Variants in SCAPER observed in about 807,000 individuals in gnomAD.
SCAPER encodes the protein S-phase cyclin A associated protein in the ER.
A neutral mutation model predicts 182.2 loss-of-function variants in SCAPER; 98 were observed. That is an observed-to-expected ratio of 0.54 (90% CI 0.46 to 0.64). SCAPER has a LOEUF of 0.64. Among genes scored for constraint, SCAPER ranks in the 30% least tolerant of loss-of-function variants. The pLI is 0.00. For synonymous variants in SCAPER, 605 were observed against 564.6 expected (o/e 1.07, Z -1.01); for missense variants, 1,432 against 1,690.0 (o/e 0.85, Z 2.68).
chr15:76,508,477 T>C (rs146012227), intron 23 of SCAPER, among the ~76,000 whole-genome samples: 101 of 152,328 alleles, frequency 6.6e-4, no homozygotes, highest in African/African-American at 2.2e-3. Context: ...TTAGTAGCTA[T>C]GGCCAAACAG....
chr15:76,538,629 T>A (rs951940828), intron 23 of SCAPER, among the ~76,000 whole-genome samples: 1 of 152,036 alleles, frequency 6.6e-6, no homozygotes, highest in Non-Finnish European at 1.5e-5. Context: ...GACGAGTTAA[T>A]GGGTGCAGCA....
chr15:76,375,497 T>C (rs2042495083), intron 29 of SCAPER, among the ~76,000 whole-genome samples: 2 of 152,066 alleles, frequency 1.3e-5, no homozygotes, highest in Non-Finnish European at 2.9e-5. Context: ...TTGGAAGATG[T>C]AAACTACCTT....
chr15:76,432,305 G>A (rs570579157), intron 26 of SCAPER, among the ~76,000 whole-genome samples: 1 of 152,344 alleles, frequency 6.6e-6, no homozygotes, highest in East Asian at 1.9e-4. Context: ...AATGGTTGTG[G>A]CCCAAAGGGC....
At chr15:76,497,736 T>C (rs2040694187) in intron 24 of SCAPER, among the ~76,000 whole-genome samples, 1 of 151,916 alleles carries the variant, frequency 6.6e-6, no homozygotes. Context: ...CTCATGCCTG[T>C]AATCCCAGCA....
intron 23 of SCAPER, among the ~76,000 whole-genome samples, chr15:76,536,901 C>A (rs572506732): frequency 4.0e-5 from 6 of 151,576 alleles, no homozygotes; most frequent in African/African-American, 1.5e-4. Flanking sequence ...ACAAAAATCA[C>A]AAGCATTCTT....
At chr15:76,449,071 A>G (rs1429272912) in intron 25 of SCAPER, among the ~76,000 whole-genome samples, 3 of 152,236 alleles carry the variant, frequency 2.0e-5, no homozygotes, top group Non-Finnish European at 2.9e-5. Context: ...GAGTCTTGGG[A>G]TGGGTAATCT....
chr15:76,614,047 C>G (rs538175181), intron 22 of SCAPER, among the ~76,000 whole-genome samples: 112 of 152,172 alleles, frequency 7.4e-4, no homozygotes, highest in African/African-American at 2.5e-3. Flanking sequence ...ATGTATACAC[C>G]ATGGAATATA....
At chr15:76,479,988 A>T (rs2050973839) in intron 24 of SCAPER, among the ~76,000 whole-genome samples, 1 of 152,260 alleles carries the variant, frequency 6.6e-6, no homozygotes, top group African/African-American at 2.4e-5. Context: ...TGGTGTTTTT[A>T]TCAATTATCG....
At chr15:76,352,955 C>T (rs1420468964) in intron 30 of SCAPER, among the ~76,000 whole-genome samples, 3 of 150,668 alleles carry the variant, frequency 2.0e-5, no homozygotes, top group East Asian at 1.9e-4. Context: ...ACAATTAAGC[C>T]GAAAACAAAA....
intron 17 of SCAPER, among the ~76,000 whole-genome samples, chr15:76,717,466 A>C (rs1258216852): frequency 6.6e-6 from 1 of 152,140 alleles, no homozygotes; most frequent in Non-Finnish European, 1.5e-5. Context: ...AAACAACAAA[A>C]GTTACAATAA....
intron 21 of SCAPER, among the ~76,000 whole-genome samples, chr15:76,663,949 T>G (rs777246865): frequency 6.6e-6 from 1 of 152,110 alleles, no homozygotes; most frequent in Non-Finnish European, 1.5e-5. Context: ...ATTTTTCCTA[T>G]GGTTATTTAC....
chr15:76,618,193 G>A (rs897820106), intron 22 of SCAPER, among the ~76,000 whole-genome samples: 2 of 152,182 alleles, frequency 1.3e-5, no homozygotes, highest in African/African-American at 4.8e-5. Flanking sequence ...CCGGGAGGAA[G>A]AGGTTGCAGT....
intron 20 of SCAPER, among the ~76,000 whole-genome samples, chr15:76,674,771 T>C (rs2057263556): frequency 6.6e-6 from 1 of 152,230 alleles, no homozygotes; most frequent in Non-Finnish European, 1.5e-5. Flanking sequence ...TTGGTGCTTC[T>C]ATAGCAGCTT....
chr15:76,708,909 T>C (rs1341554608), intron 17 of SCAPER, among the ~76,000 whole-genome samples: 2 of 151,718 alleles, frequency 1.3e-5, no homozygotes, highest in Non-Finnish European at 2.9e-5. Context: ...CTACTAAAAA[T>C]ACAAAAATCA....
chr15:76,905,240 C>G (rs2277891), intron 1 of SCAPER, 59 bp downstream of exon 1: 12,189 of 182,344 alleles, frequency 0.067, 462 homozygotes, highest in Middle Eastern at 0.084. Flanking sequence ...TCAGACGGCC[C>G]GCGCCCCAAC....
intron 17 of SCAPER, among the ~76,000 whole-genome samples, chr15:76,718,504 G>A (rs1252430239): frequency 6.6e-6 from 1 of 152,028 alleles, no homozygotes; most frequent in Non-Finnish European, 1.5e-5. Context: ...AGCCACGCAT[G>A]GTGGCACACA....
At chr15:76,424,160 A>T (rs571365064) in intron 26 of SCAPER, among the ~76,000 whole-genome samples, 1 of 152,288 alleles carries the variant, frequency 6.6e-6, no homozygotes, top group East Asian at 1.9e-4. Context: ...GCTGAGTTCA[A>T]TTCCTGGATA....
At chr15:76,829,722 C>T (rs1371355174) in intron 5 of SCAPER, among the ~76,000 whole-genome samples, 1 of 152,134 alleles carries the variant, frequency 6.6e-6, no homozygotes, top group Non-Finnish European at 1.5e-5. Context: ...AAGAATCACA[C>T]AACTATGAAG....
intron 2 of SCAPER, among the ~76,000 whole-genome samples, chr15:76,863,343 C>A (rs891795853): frequency 2.0e-5 from 3 of 152,190 alleles, no homozygotes; most frequent in Non-Finnish European, 4.4e-5. Flanking sequence ...GGGAAACCTG[C>A]CTCTTTGTGA....
Sources: allele counts gnomAD v4.1 joint callset (sites outside exome capture counted in the v4.1 genomes callset), GRCh38; gene constraint gnomAD v4.1.1; transcripts MANE v1.5; gene names NCBI Gene and HGNC (gene_info 2026-07-23, HGNC 2026-07-21).